The following FLT1 variants were observed in gnomAD, a reference collection of about 807,000 sequenced individuals.
FLT1 encodes the protein vascular endothelial growth factor receptor 1.
FLT1 carries 49 observed loss-of-function variants against 156.3 expected under a neutral mutation model. The observed-to-expected ratio is 0.31, with a 90% CI of 0.25 to 0.40. The LOEUF is 0.40. FLT1 is among the 10% of genes least tolerant of loss of function. FLT1 has a pLI of 1.00. For missense variants in FLT1, 1,322 were observed against 1,637.2 expected (o/e 0.81, Z 3.32); for synonymous variants, 594 against 583.8 (o/e 1.02, Z -0.25).
intron 15 of FLT1, among the ~76,000 whole-genome samples, chr13:28,356,019 C>T (rs1872885347): frequency 1.3e-5 from 2 of 152,144 alleles, no homozygotes. Context: ...CCTCCCAGGC[C>T]ATAAGAGTCC....
chr13:28,434,281 C>T (rs920656390), intron 4 of FLT1, 61 bp from the exon 5 acceptor site: 26 of 1,462,802 alleles, frequency 1.8e-5, no homozygotes, highest in Non-Finnish European at 2.2e-5. Flanking sequence ...AATACTGTTT[C>T]ACCAGCAGTT....
At chr13:28,362,617 G>A (rs1056125042) in intron 14 of FLT1, among the ~76,000 whole-genome samples, 2 of 152,044 alleles carry the variant, frequency 1.3e-5, no homozygotes, top group Non-Finnish European at 2.9e-5. Flanking sequence ...CTAGGAGTTC[G>A]AGACCAGCCT....
In FLT1 at chr13:28,473,563, T is replaced by C. The variant is rs897090487; in HGVS notation, c.65-5946A>G. On this transcript the variant is annotated intron_variant, in intron 1 of 29. Coordinates refer to ENST00000282397, the MANE Select transcript of FLT1 (RefSeq NM_002019.4). The stretch of plus-strand genomic sequence containing the variant: ...GGGAGGCTGAGGCAGGAGAATGGCT[T>C]AAACCCGGGAGGCGGAGATTGCAGT... 2.0e-5 allele frequency among the ~76,000 whole-genome samples: 3 copies of C among 150,878 alleles called. No individual in the cohort carries two copies. The East Asian group carries it at 5.9e-4, about 29-fold the overall frequency.
chr13:28,479,434 T>C (rs1275579518), intron 1 of FLT1, among the ~76,000 whole-genome samples: 1 of 152,210 alleles, frequency 6.6e-6, no homozygotes, highest in Non-Finnish European at 1.5e-5. Flanking sequence ...TCTGGGTTTT[T>C]CTAATTTCAC....
intron 20 of FLT1, among the ~76,000 whole-genome samples, chr13:28,325,564 C>T (rs1413549066): frequency 2.0e-5 from 3 of 152,100 alleles, no homozygotes; most frequent in African/African-American, 2.4e-5. Context: ...CCTGTAATCC[C>T]AGCACTTTGT....
At chr13:28,323,508 G>T (rs950784224) in intron 20 of FLT1, among the ~76,000 whole-genome samples, 3 of 151,930 alleles carry the variant, frequency 2.0e-5, no homozygotes, top group African/African-American at 7.3e-5. Context: ...AAAATTAGCC[G>T]GGCATGGTGG....
intron 15 of FLT1, among the ~76,000 whole-genome samples, chr13:28,353,970 ACCT>A (rs1872815820): frequency 6.6e-6 from 1 of 152,150 alleles, no homozygotes; most frequent in Admixed American, 6.5e-5. Context: ...TAATTCACCA[ACCT>A]CTTTAAATCT....
chr13:28,473,214 A>G (rs1013593461), intron 1 of FLT1, among the ~76,000 whole-genome samples: 6 of 152,228 alleles, frequency 3.9e-5, no homozygotes, highest in African/African-American at 1.2e-4. Flanking sequence ...ATGGTTAAAC[A>G]TAAGAGTTGA....
At chr13:28,372,813 C>A (rs1162195902) in intron 14 of FLT1, among the ~76,000 whole-genome samples, 1 of 151,342 alleles carries the variant, frequency 6.6e-6, no homozygotes, top group South Asian at 2.1e-4. Flanking sequence ...ACCCAGGAGG[C>A]GGAGCTTGCA....
intron 1 of FLT1, among the ~76,000 whole-genome samples, chr13:28,477,448 A>G (rs1336922912): frequency 1.3e-5 from 2 of 152,210 alleles, no homozygotes; most frequent in Non-Finnish European, 2.9e-5. Context: ...CTGTCTAACA[A>G]TATGTCATTT....
At chr13:28,472,831 C>T (rs1393959013) in intron 1 of FLT1, among the ~76,000 whole-genome samples, 1 of 152,136 alleles carries the variant, frequency 6.6e-6, no homozygotes, top group Non-Finnish European at 1.5e-5. Flanking sequence ...GCTAAAAATT[C>T]TGATCCTGGG....
chr13:28,465,383 G>T (rs952916403), intron 3 of FLT1, among the ~76,000 whole-genome samples: 4 of 152,160 alleles, frequency 2.6e-5, no homozygotes, highest in Admixed American at 6.5e-5. Context: ...GAGGATCGGG[G>T]ACATGAAAGT....
intron 16 of FLT1, among the ~76,000 whole-genome samples, chr13:28,341,562 A>T (rs1872334252): frequency 6.6e-6 from 1 of 152,252 alleles, no homozygotes; most frequent in Non-Finnish European, 1.5e-5. Context: ...TCTGGTATGT[A>T]GTAAGCCTCC....
At chr13:28,463,730 C>G (rs1879709616) in intron 3 of FLT1, among the ~76,000 whole-genome samples, 1 of 152,048 alleles carries the variant, frequency 6.6e-6, no homozygotes, top group African/African-American at 2.4e-5. Flanking sequence ...TGCTCCTGAA[C>G]TAAAATAAAC....
intron 10 of FLT1, among the ~76,000 whole-genome samples, chr13:28,421,132 A>G (rs987541415): frequency 4.6e-5 from 7 of 152,118 alleles, no homozygotes; most frequent in Non-Finnish European, 8.8e-5. Context: ...GAGATGTCAC[A>G]TTGTCATTGA....
At chr13:28,480,766 G>A (rs561608876) in intron 1 of FLT1, among the ~76,000 whole-genome samples, 7 of 152,268 alleles carry the variant, frequency 4.6e-5, no homozygotes, top group South Asian at 4.2e-4. Context: ...GCTGTGGTTC[G>A]CATATTTTTT....
At chr13:28,309,663 C>T (rs1373608701) in intron 27 of FLT1, among the ~76,000 whole-genome samples, 1 of 149,192 alleles carries the variant, frequency 6.7e-6, no homozygotes, top group African/African-American at 2.5e-5. Flanking sequence ...TGCCACCCAC[C>T]CCCCCTCCCT....
chr13:28,389,247 G>A, intron 13 of FLT1: 1 of 1,135,438 alleles, frequency 8.8e-7, no homozygotes, highest in Non-Finnish European at 1.1e-6. Flanking sequence ...AATAAAACCA[G>A]GCAGAAGTCC....
chr13:28,386,554 TTGAGCA>T, intron 13 of FLT1: 1 of 1,054,216 alleles, frequency 9.5e-7, no homozygotes, highest in South Asian at 4.6e-5. Context: ...TTTTGCCTCT[TTGAGCA>T]TGTCTTTCCT....
Sources: gnomAD v4.1 joint callset for allele counts (sites outside exome capture counted in the v4.1 genomes callset) on GRCh38, gnomAD v4.1.1 for gene constraint, MANE v1.5 for transcripts, NCBI Gene and HGNC (gene_info 2026-07-23, HGNC 2026-07-21) for gene names.